PTCH2: variants seen among roughly 807,000 people sequenced by gnomAD.
PTCH2 encodes the protein patched 2, also known as protein patched homolog 2.
PTCH2 carries 96 observed loss-of-function variants against 117.9 expected under a neutral mutation model. The observed-to-expected ratio is 0.81, with a 90% CI of 0.69 to 0.96. The LOEUF (loss-of-function observed/expected upper bound fraction) is 0.96, where lower values mean the gene tolerates loss of function less well. PTCH2 is among the 50% of genes least tolerant of loss of function. The pLI, the probability that PTCH2 is intolerant of heterozygous loss-of-function variation, is 0.00. For missense variants in PTCH2, 1,379 were observed against 1,562.5 expected (o/e 0.88, Z 1.98); for synonymous variants, 615 against 660.9 (o/e 0.93, Z 1.06).
Position 44,826,747 on chromosome 1 carries a change from T to G in PTCH2, c.2717A>C (p.Glu906Ala). ...NLRIPPAQPL[E>A]FAQFPFLLRG... is the part of the protein sequence containing the mutation. ...CAGCAGGAAGGGGAACTGGGCAAAC[T>G]CCAAGGGCTGAGCTGGCGGGACTGT... Residue 906 changes from glutamate to alanine, a missense_variant, in exon 18 of 22, where the codon GAG becomes GCG. By Grantham distance (107) the Glu-to-Ala change is moderately radical. Coordinates refer to ENST00000372192, the MANE Select transcript of PTCH2 (RefSeq NM_003738.5). This position sits in a 1 kb window ranked among gnomAD's most constrained non-coding sequence, Gnocchi z 5.1. 6.3e-7 allele frequency: 1 copy of G among 1,595,552 alleles called. No individual in the cohort carries two copies. The highest frequency in any genetic ancestry group is 8.6e-7 in the Non-Finnish European group (1 of 1,169,224).
intron 2 of PTCH2, among the ~76,000 whole-genome samples, chr1:44,835,559 T>A (rs1009800168): frequency 1.3e-5 from 2 of 152,188 alleles, no homozygotes; most frequent in Admixed American, 6.5e-5. Context: ...TGTAATATGG[T>A]ACACTCTTCG....
chr1:44,839,066 AG>A (rs1204585570), intron 2 of PTCH2, among the ~76,000 whole-genome samples: 1 of 151,686 alleles, frequency 6.6e-6, no homozygotes, highest in Non-Finnish European at 1.5e-5. Context: ...TCTCACAGTG[AG>A]ACTCCATCTC....
downstream of PTCH2, chr1:44,820,146 A>G (rs999143636): frequency 2.3e-5 from 8 of 347,314 alleles, no homozygotes; most frequent in South Asian, 1.7e-4. Flanking sequence ...CAGTGCAGAA[A>G]TGCGCGCACA....
chr1:44,820,184 CTT>C, downstream of PTCH2: 11 of 352,272 alleles, frequency 3.1e-5, no homozygotes, highest in South Asian at 2.1e-4. Flanking sequence ...TTGAGGGTAT[CTT>C]TTCGTGGTGC....
chr1:44,826,842 C>T lies in PTCH2; in HGVS notation c.2695+60G>A. 6.2e-7 allele frequency: 1 copy of T among 1,612,354 alleles called. No homozygotes were observed. The highest frequency in any genetic ancestry group is 8.5e-7 in the Non-Finnish European group (1 of 1,178,886). ...GCACGGGGCAGAGTGGGCAGGGCCTCAGGCTCAGGGCTTGTGTGGGCGAGG... is the reference window on the plus strand; with the variant it reads ...GCACGGGGCAGAGTGGGCAGGGCCTTAGGCTCAGGGCTTGTGTGGGCGAGG... On this transcript the variant is annotated intron_variant, in intron 17 of 21. Coordinates refer to ENST00000372192, the MANE Select transcript of PTCH2 (RefSeq NM_003738.5). This position sits in a 1 kb window ranked among gnomAD's most constrained non-coding sequence, Gnocchi z 5.1.
chr1:44,829,630 T>G lies in PTCH2; in HGVS notation c.1067A>C (p.Gln356Pro), dbSNP rs1279573853. ...EQASTVLQAWQRRFVQLAQEA... is the reference protein window; with the variant it reads ...EQASTVLQAWPRRFVQLAQEA... Reference sequence around the variant, plus strand: ...CATACCGACCTGCACAAAGCGCCGCTGCCAGGCTTGTAGCACTGTGCTGGC... The same window carrying G: ...CATACCGACCTGCACAAAGCGCCGCGGCCAGGCTTGTAGCACTGTGCTGGC... Residue 356 changes from glutamine (Q) to proline (P), a missense_variant, in exon 8 of 22, where the codon CAG becomes CCG. Transcript: ENST00000372192. 6.2e-7 allele frequency: 1 copy of G among 1,614,218 alleles called. No homozygotes were observed. The highest frequency in any genetic ancestry group is 1.7e-5 in the Admixed American group (1 of 60,030).
chr1:44,831,911 C>G lies in PTCH2; in HGVS notation c.525+64G>C, dbSNP rs11573574. The G allele has an allele frequency of 2.7e-5, 43 of 1,573,520 alleles. No homozygotes were observed. The Admixed American group carries it at 7.0e-4, about 26-fold the overall frequency. On this transcript the variant is annotated intron_variant, in intron 4 of 21. Coordinates refer to ENST00000372192, the MANE Select transcript of PTCH2 (RefSeq NM_003738.5). This position sits in a 1 kb window ranked among gnomAD's most constrained non-coding sequence, Gnocchi z 4.3. The stretch of plus-strand genomic sequence containing the variant: ...CAGATTGCAGGCTGTGGGGCTTGCT[C>G]GGTCTCTGAGTCCTCCCACGCTACA...
Position 44,829,289 on chromosome 1 carries a change from C to G in PTCH2, c.1239G>C (p.Met413Ile), listed in dbSNP as rs757658080. The change falls in exon 10 of 22, where the codon ATG (methionine) becomes ATC (isoleucine). Residue 413 changes from methionine to isoleucine, a missense_variant. Coordinates refer to ENST00000372192, the MANE Select transcript of PTCH2 (RefSeq NM_003738.5). ...LLMLAYACVTMLRWDCAQSQG... is the reference protein window; with the variant it reads ...LLMLAYACVTILRWDCAQSQG... ...GGGACTGGGCGCAGTCCCACCGCAG[C>G]ATGGTCACACAGGCATAGGCCAGCT... The G allele has an allele frequency of 1.9e-6, 3 of 1,613,610 alleles. No homozygotes were observed. Among genetic ancestry groups the G allele is most frequent in the South Asian group, 2.2e-5 (2 of 91,068 alleles).
chr1:44,829,687 T>A lies in PTCH2; in HGVS notation c.1010A>T (p.Gln337Leu). 1 of 1,614,228 alleles carries A rather than the reference T, an allele frequency of 6.2e-7. No homozygotes were observed. The highest frequency in any genetic ancestry group is 1.3e-5 in the African/African-American group (1 of 75,052). ...QLYEHFRGDY[Q>L]THDIGWSEEQ... is the part of the protein sequence containing the mutation. ...CTCACTCCAGCCAATGTCATGTGTC[T>A]GATAGTCACCCCGGAAATGCTCGTA... The change falls in exon 8 of 22, where the codon CAG (glutamine) becomes CTG (leucine). Residue 337 changes from glutamine to leucine, a missense_variant. Coordinates refer to ENST00000372192, the MANE Select transcript of PTCH2 (RefSeq NM_003738.5).
chr1:44,833,186 G>C (rs930461799), intron 2 of PTCH2, among the ~76,000 whole-genome samples: 3 of 152,124 alleles, frequency 2.0e-5, no homozygotes, highest in African/African-American at 7.2e-5. Context: ...ACAGGCTCCT[G>C]CTCTGTAACT....
chr1:44,839,107 G>T (rs1390275688), intron 2 of PTCH2, among the ~76,000 whole-genome samples: 1 of 152,008 alleles, frequency 6.6e-6, no homozygotes, highest in Non-Finnish European at 1.5e-5. Context: ...CTAGCGTCTG[G>T]CTCAGGCCTG....
chr1:44,836,921 CA>C (rs1276721130), intron 2 of PTCH2, among the ~76,000 whole-genome samples: 1 of 152,170 alleles, frequency 6.6e-6, no homozygotes, highest in Admixed American at 6.5e-5. Flanking sequence ...CACTGCACTC[CA>C]GCCTGGGTGA....
At chr1:44,820,498 C>T, downstream of PTCH2, 1 of 684,672 alleles carries the variant, frequency 1.5e-6, no homozygotes. Context: ...CCCCACCCCT[C>T]CTGGAGGAGA....
chr1:44,841,812 T>C (rs1376182469), intron 2 of PTCH2, 35 bp downstream of exon 2: 1 of 1,608,698 alleles, frequency 6.2e-7, no homozygotes. Context: ...GGGCTCACCA[T>C]ACCTGAGCAG....
intron 2 of PTCH2, among the ~76,000 whole-genome samples, chr1:44,839,621 G>A (rs1293848582): frequency 1.3e-5 from 2 of 152,130 alleles, no homozygotes; most frequent in African/African-American, 4.8e-5. Context: ...GGAATGGAGA[G>A]GGAGGAAGGG....
chr1:44,826,215 G>C lies in PTCH2; in HGVS notation c.3114+35C>G. 4 of 1,608,764 alleles carry C rather than the reference G, an allele frequency of 2.5e-6. No homozygotes were observed. The highest frequency in any genetic ancestry group is 3.3e-4 in the Middle Eastern group (2 of 6,058). On this transcript the variant is annotated intron_variant, in intron 19 of 21. Transcript: ENST00000372192. The surrounding 1 kb of genome is among the most constrained non-coding windows in gnomAD (Gnocchi z 5.1). ...ACAATATGTGTTGAATACTGAATCA[G>C]CTGATTGGTCCCTCCCCGGGGTGCC...
At chr1:44,821,639 G>C, downstream of PTCH2, 9 of 440,024 alleles carry the variant, frequency 2.0e-5, no homozygotes, top group Non-Finnish European at 2.7e-5. Flanking sequence ...CGGGCAGGCT[G>C]GAATATGGTG....
chr1:44,838,564 C>T (rs1653787681), intron 2 of PTCH2, among the ~76,000 whole-genome samples: 2 of 151,872 alleles, frequency 1.3e-5, no homozygotes, highest in Non-Finnish European at 2.9e-5. Context: ...TTTTAGAGAA[C>T]AATCTGCCTC....
chr1:44,828,908 G>A, intron 11 of PTCH2, 74 bp downstream of exon 11: 2 of 1,472,308 alleles, frequency 1.4e-6, no homozygotes, highest in Non-Finnish European at 9.3e-7. Context: ...AGCAGCCCAA[G>A]GTCACTTGAA....
Sources: allele counts gnomAD v4.1 joint callset (sites outside exome capture counted in the v4.1 genomes callset), GRCh38; gene constraint gnomAD v4.1.1; non-coding constraint Gnocchi (gnomAD v3.1); transcripts MANE v1.5; gene names NCBI Gene and HGNC (gene_info 2026-07-23, HGNC 2026-07-21).